The following RIT2 variants were observed in gnomAD, a reference collection of about 807,000 sequenced individuals.
RIT2 encodes the protein Ras like without CAAX 2, also known as GTP-binding protein Rit2.
In RIT2, 24 loss-of-function variants were observed where a neutral mutation model predicts 23.7. The ratio of observed to expected loss-of-function variants is 1.01; its 90% CI spans 0.73 to 1.43. The LOEUF is 1.43. RIT2 is among the 40% of genes most tolerant of loss of function. The probability of loss-of-function intolerance (pLI) is 0.00; values close to 1 mark genes in which losing one functional copy is unlikely to be tolerated. For missense variants in RIT2, 236 were observed against 266.9 expected (o/e 0.88, Z 0.81); for synonymous variants, 107 against 91.1 (o/e 1.17, Z -0.99).
intron 4 of RIT2, among the ~76,000 whole-genome samples, chr18:42,892,538 C>T (rs1207971515): frequency 6.6e-6 from 1 of 152,168 alleles, no homozygotes; most frequent in Non-Finnish European, 1.5e-5. Context: ...TCTTATCTGA[C>T]ATTGTGCTGC....
intron 2 of RIT2, among the ~76,000 whole-genome samples, chr18:42,975,034 C>G (rs1407430546): frequency 6.6e-6 from 1 of 152,000 alleles, no homozygotes; most frequent in African/African-American, 2.4e-5. Context: ...TGAGAAATTA[C>G]CACACCACTT....
chr18:42,993,120 C>T (rs1372865570), intron 2 of RIT2, among the ~76,000 whole-genome samples: 1 of 152,198 alleles, frequency 6.6e-6, no homozygotes, highest in Non-Finnish European at 1.5e-5. Flanking sequence ...AGGTGTTCCT[C>T]CAGAACCTCC....
At chr18:42,828,757 T>C (rs1299527590) in intron 4 of RIT2, among the ~76,000 whole-genome samples, 2 of 152,168 alleles carry the variant, frequency 1.3e-5, no homozygotes, top group African/African-American at 4.8e-5. Context: ...TATTCTCACA[T>C]TGGAAGTAAA....
chr18:42,845,760 G>A (rs1238351800), intron 4 of RIT2, among the ~76,000 whole-genome samples: 1 of 151,322 alleles, frequency 6.6e-6, no homozygotes, highest in African/African-American at 2.4e-5. Context: ...AGGTAATTAG[G>A]AAATACTTTT....
At chr18:42,892,701 G>A (rs1908214550) in intron 4 of RIT2, among the ~76,000 whole-genome samples, 1 of 152,148 alleles carries the variant, frequency 6.6e-6, no homozygotes, top group Non-Finnish European at 1.5e-5. Context: ...ATACCTAGAA[G>A]AAAACTAAGA....
At chr18:43,111,352 A>T (rs912141915) in intron 1 of RIT2, among the ~76,000 whole-genome samples, 37 of 152,180 alleles carry the variant, frequency 2.4e-4, no homozygotes, top group African/African-American at 8.9e-4. Flanking sequence ...AATTGTGGTT[A>T]GATGGAATGA....
At chr18:43,084,400 A>C (rs544949102) in intron 1 of RIT2, among the ~76,000 whole-genome samples, 2 of 152,318 alleles carry the variant, frequency 1.3e-5, no homozygotes, top group East Asian at 3.9e-4. Context: ...TATCCAAAGG[A>C]TTGTAAATCA....
intron 2 of RIT2, among the ~76,000 whole-genome samples, chr18:42,979,411 T>C (rs555125004): frequency 1.2e-4 from 19 of 152,260 alleles, no homozygotes; most frequent in East Asian, 3.9e-4. Context: ...ATCTGAAATA[T>C]ATAATTCATA....
At chr18:42,923,325 T>C in intron 4 of RIT2, 1 of 442,494 alleles carries the variant, frequency 2.3e-6, no homozygotes, top group Non-Finnish European at 4.0e-6. Flanking sequence ...TCTACTGTAT[T>C]CAGTATACAA....
At chr18:42,987,595 C>G (rs759267665) in intron 2 of RIT2, among the ~76,000 whole-genome samples, 2 of 151,960 alleles carry the variant, frequency 1.3e-5, no homozygotes, top group Non-Finnish European at 1.5e-5. Context: ...GTGGGAAAGG[C>G]ATAAATAAGA....
At chr18:42,811,293 A>G (rs1238249929) in intron 4 of RIT2, among the ~76,000 whole-genome samples, 3 of 152,124 alleles carry the variant, frequency 2.0e-5, no homozygotes, top group African/African-American at 4.8e-5. Context: ...TCTATAGCCA[A>G]TAATAACATT....
chr18:43,076,613 G>A (rs919788195), intron 1 of RIT2, among the ~76,000 whole-genome samples: 5 of 152,132 alleles, frequency 3.3e-5, no homozygotes, highest in African/African-American at 1.2e-4. Flanking sequence ...CATTGAGGGT[G>A]GGAAGTTGCC....
chr18:42,900,804 A>G (rs1908456728), intron 4 of RIT2, among the ~76,000 whole-genome samples: 1 of 152,100 alleles, frequency 6.6e-6, no homozygotes, highest in African/African-American at 2.4e-5. Flanking sequence ...AATATGAATT[A>G]TATCACAGAG....
At chr18:42,762,626 A>G (rs1913328056) in intron 4 of RIT2, among the ~76,000 whole-genome samples, 1 of 152,146 alleles carries the variant, frequency 6.6e-6, no homozygotes, top group Non-Finnish European at 1.5e-5. Context: ...AGTGACCTGA[A>G]TTCACTCTCA....
intron 1 of RIT2, among the ~76,000 whole-genome samples, chr18:43,101,905 G>A (rs1289795351): frequency 1.3e-5 from 2 of 151,830 alleles, no homozygotes; most frequent in African/African-American, 2.4e-5. Context: ...GAAAAGAGTG[G>A]GTAGCTAGCT....
At chr18:42,987,497 T>C (rs948394946) in intron 2 of RIT2, among the ~76,000 whole-genome samples, 1 of 152,204 alleles carries the variant, frequency 6.6e-6, no homozygotes, top group East Asian at 1.9e-4. Flanking sequence ...TTTGTGGCAA[T>C]GTGTTATACA....
At chr18:43,049,275 A>G (rs1912321722) in intron 1 of RIT2, among the ~76,000 whole-genome samples, 1 of 152,186 alleles carries the variant, frequency 6.6e-6, no homozygotes, top group South Asian at 2.1e-4. Context: ...TAGAAAGATC[A>G]TTGAGCAACA....
At chr18:42,995,489 T>G (rs1349885202) in intron 2 of RIT2, among the ~76,000 whole-genome samples, 4 of 152,198 alleles carry the variant, frequency 2.6e-5, no homozygotes, top group African/African-American at 9.6e-5. Flanking sequence ...TGGTTTGGCC[T>G]TCCCACCTCT....
chr18:43,091,645 G>T (rs1913425925), intron 1 of RIT2, among the ~76,000 whole-genome samples: 2 of 151,980 alleles, frequency 1.3e-5, no homozygotes, highest in South Asian at 4.1e-4. Flanking sequence ...AAACTGGATT[G>T]TTCTCCGGAA....
Sources: allele counts gnomAD v4.1 joint callset (sites outside exome capture counted in the v4.1 genomes callset), GRCh38; gene constraint gnomAD v4.1.1; transcripts MANE v1.5; gene names NCBI Gene and HGNC (gene_info 2026-07-23, HGNC 2026-07-21).